The following OLA1 variants were observed in gnomAD, a reference collection of about 807,000 sequenced individuals.
The protein encoded by OLA1 is obg-like ATPase 1.
A neutral mutation model predicts 48.4 loss-of-function variants in OLA1; 14 were observed. The observed-to-expected ratio is 0.29, with a 90% CI of 0.19 to 0.45. OLA1 has a LOEUF of 0.45. Among genes scored for constraint, OLA1 ranks in the 20% least tolerant of loss-of-function variants. The probability of loss-of-function intolerance (pLI) is 1.00; values close to 1 mark genes in which losing one functional copy is unlikely to be tolerated. For missense variants in OLA1, 325 were observed against 467.1 expected (o/e 0.70, Z 2.80); for synonymous variants, 127 against 150.4 (o/e 0.84, Z 1.14).
In OLA1 at chr2:174,072,464, A is replaced by T. The variant is rs961380895; in HGVS notation, c.*2962T>A. On this transcript the variant is annotated 3_prime_UTR_variant, in exon 11 of 11. Transcript: ENST00000284719. Reference sequence around the variant, plus strand: ...CTCAAAAGTCAAACCCAGCTCTTTTATTTTATCACCACAGTGTATTTTACA... The same window carrying T: ...CTCAAAAGTCAAACCCAGCTCTTTTTTTTTATCACCACAGTGTATTTTACA... 6.6e-6 allele frequency: 1 copy of T among 152,200 alleles called. No homozygotes were observed. The highest frequency in any genetic ancestry group is 1.5e-5 in the Non-Finnish European group (1 of 68,018). The allele number at this position is 152,200 out of a possible 1,614,324, so 9.4% of individuals were successfully genotyped here. A position where few individuals can be genotyped will look rare whatever the true frequency, so the allele number is the denominator to read the frequency against.
intron 4 of OLA1, among the ~76,000 whole-genome samples, chr2:174,187,036 C>T (rs1203477580): frequency 6.6e-6 from 1 of 151,962 alleles, no homozygotes; most frequent in Non-Finnish European, 1.5e-5. Flanking sequence ...TGAACACATG[C>T]CATTTAATAA....
Position 174,223,034 on chromosome 2 carries a change from T to A in OLA1, c.372A>T (p.Thr124=), listed in dbSNP as rs1175244663. ...GATTAAATAAACAACTGTACTTACGTGTTAGATGAAAGATGCCATCACAGG... is the reference window on the plus strand; with the variant it reads ...GATTAAATAAACAACTGTACTTACGAGTTAGATGAAAGATGCCATCACAGG... ...ISACDGIFHL[T]RAFEDDDITH... is the part of the protein sequence containing the mutation. The change falls in exon 4 of 11, where the codon ACA becomes ACT. Residue 124 remains threonine, a splice_region_variant and synonymous_variant. Transcript: ENST00000284719. 3 of 1,611,388 alleles carry A rather than the reference T, an allele frequency of 1.9e-6. No homozygotes were observed. Among genetic ancestry groups the A allele is most frequent in the Non-Finnish European group, 2.5e-6 (3 of 1,178,878 alleles).
At chr2:174,109,307 G>A (rs1685587470) in intron 7 of OLA1, among the ~76,000 whole-genome samples, 1 of 151,940 alleles carries the variant, frequency 6.6e-6, no homozygotes, top group Non-Finnish European at 1.5e-5. Context: ...TGGTCTTTAA[G>A]CTATATATGC....
rs562285797 is a variant in OLA1 at position 174,118,973 on chromosome 2, G to A, written c.728+4207C>T. 3.1e-4 allele frequency among the ~76,000 whole-genome samples: 47 copies of A among 151,364 alleles called. 1 individual carries two copies. The East Asian group carries it at 6.8e-3, about 22-fold the overall frequency. On this transcript the variant is annotated intron_variant, in intron 7 of 10. Coordinates refer to ENST00000284719, the MANE Select transcript of OLA1 (RefSeq NM_013341.5). ...GTGCACTACTGTATTGTTATCTCTC[G>A]ATAAGAATATGAAATTGTCGAAAGA...
chr2:174,119,373 GC>G (rs1685856473), intron 7 of OLA1, among the ~76,000 whole-genome samples: 1 of 151,980 alleles, frequency 6.6e-6, no homozygotes, highest in South Asian at 2.1e-4. Context: ...TATATTTCTA[GC>G]TTAAATGATC....
chr2:174,098,305 T>C (rs1043582755), intron 7 of OLA1, among the ~76,000 whole-genome samples: 1 of 152,226 alleles, frequency 6.6e-6, no homozygotes, highest in Non-Finnish European at 1.5e-5. Context: ...CTGAAAGACT[T>C]ATTCTTTCTT....
intron 4 of OLA1, among the ~76,000 whole-genome samples, chr2:174,210,654 T>G (rs1437323812): frequency 6.6e-6 from 1 of 152,136 alleles, no homozygotes; most frequent in Non-Finnish European, 1.5e-5. Context: ...TACAGTTAAA[T>G]CTACTATAAG....
chr2:174,133,032 CTT>C (rs1431061386), intron 5 of OLA1, among the ~76,000 whole-genome samples: 1 of 152,146 alleles, frequency 6.6e-6, no homozygotes, highest in Non-Finnish European at 1.5e-5. Flanking sequence ...CATATACAAA[CTT>C]AAGTTATTGT....
intron 7 of OLA1, among the ~76,000 whole-genome samples, chr2:174,111,107 T>A (rs1685637549): frequency 6.6e-6 from 1 of 152,234 alleles, no homozygotes; most frequent in Non-Finnish European, 1.5e-5. Context: ...ATGTAACATA[T>A]TTTATTTAAT....
At chr2:174,133,562 T>C (rs1198552641) in intron 5 of OLA1, among the ~76,000 whole-genome samples, 5 of 152,140 alleles carry the variant, frequency 3.3e-5, no homozygotes, top group Non-Finnish European at 7.3e-5. Context: ...GGTTATGCCA[T>C]GTTGTTTTCT....
Position 174,226,585 on chromosome 2 carries a change from T to C in OLA1, c.245+2723A>G, listed in dbSNP as rs1002316661. Among the ~76,000 whole-genome samples the C allele has an allele frequency of 2.6e-5, 4 of 152,080 alleles. 1 individual carries two copies. The highest frequency in any genetic ancestry group is 2.6e-4 in the Admixed American group (4 of 15,262). On this transcript the variant is annotated intron_variant, in intron 3 of 10. Transcript: ENST00000284719. ...CGCCATCTTGGCTCACTGCAACCTC[T>C]GCCTGCCAAGTTCAAGCGATTCTCC...
intron 7 of OLA1, among the ~76,000 whole-genome samples, chr2:174,105,400 T>C (rs568914526): frequency 2.6e-5 from 4 of 152,134 alleles, no homozygotes; most frequent in African/African-American, 7.2e-5. Context: ...TTGTAGAATT[T>C]TGAGTTCTGT....
At chr2:174,182,263 G>A (rs1006546157) in intron 4 of OLA1, among the ~76,000 whole-genome samples, 3 of 152,106 alleles carry the variant, frequency 2.0e-5, no homozygotes, top group Non-Finnish European at 4.4e-5. Flanking sequence ...GGTGGCTCAC[G>A]CCTGTAATCC....
chr2:174,124,872 A>G (rs908506496), intron 5 of OLA1, among the ~76,000 whole-genome samples: 2 of 152,184 alleles, frequency 1.3e-5, no homozygotes, highest in African/African-American at 4.8e-5. Context: ...AAAAATAAGG[A>G]AAAAGCCTTA....
intron 4 of OLA1, among the ~76,000 whole-genome samples, chr2:174,216,786 A>G (rs574037806): frequency 6.6e-6 from 1 of 152,124 alleles, no homozygotes; most frequent in East Asian, 1.9e-4. Context: ...AGACTCAAGC[A>G]ATCCTCCTCC....
intron 2 of OLA1, among the ~76,000 whole-genome samples, chr2:174,234,509 G>C (rs56094369): frequency 1.3e-5 from 2 of 151,906 alleles, no homozygotes; most frequent in Non-Finnish European, 2.9e-5. Flanking sequence ...TATTGCCCAG[G>C]CTGGAGAGCA....
chr2:174,156,821 A>G (rs1325266414), intron 4 of OLA1, among the ~76,000 whole-genome samples: 1 of 151,804 alleles, frequency 6.6e-6, no homozygotes, highest in Non-Finnish European at 1.5e-5. Flanking sequence ...CTAATGTCAG[A>G]TGATCCACCC....
intron 3 of OLA1, among the ~76,000 whole-genome samples, chr2:174,223,765 CAAAAAAAA>C (rs71021680): frequency 5.5e-5 from 4 of 73,344 alleles, no homozygotes; most frequent in Non-Finnish European, 7.9e-5. Flanking sequence ...GTTATATAGA[CAAAAAAAA>C]AAAAAAAAAA....
intron 2 of OLA1, among the ~76,000 whole-genome samples, chr2:174,242,749 T>C (rs1340158105): frequency 2.0e-5 from 3 of 152,160 alleles, no homozygotes; most frequent in African/African-American, 7.2e-5. Flanking sequence ...ATAAAGAAGT[T>C]TGGAACACTG....
Sources: gnomAD v4.1 joint callset for allele counts (sites outside exome capture counted in the v4.1 genomes callset) on GRCh38, gnomAD v4.1.1 for gene constraint, MANE v1.5 for transcripts, NCBI Gene and HGNC (gene_info 2026-07-23, HGNC 2026-07-21) for gene names.